Variants in TNFRSF10D observed in about 807,000 individuals in gnomAD.
The protein encoded by TNFRSF10D is TNF receptor superfamily member 10d, also known as tumor necrosis factor receptor superfamily member 10D.
A neutral mutation model predicts 42.1 loss-of-function variants in TNFRSF10D; 28 were observed. The observed-to-expected ratio is 0.66, with a 90% confidence interval of 0.49 to 0.91. The LOEUF (loss-of-function observed/expected upper bound fraction) is 0.91. Among genes scored for constraint, TNFRSF10D ranks in the 40% least tolerant of loss-of-function variants. The pLI, the probability that TNFRSF10D is intolerant of heterozygous loss-of-function variation, is 0.00. For synonymous variants in TNFRSF10D, 186 were observed against 189.4 expected (o/e 0.98, Z 0.15); for missense variants, 503 against 486.1 (o/e 1.03, Z -0.33).
intron 2 of TNFRSF10D, among the ~76,000 whole-genome samples, chr8:23,153,209 T>C (rs1278125658): frequency 6.6e-6 from 1 of 152,202 alleles, no homozygotes; most frequent in Non-Finnish European, 1.5e-5. Context: ...ACATCATATG[T>C]AAAAATCAAC....
intron 3 of TNFRSF10D, 65 bp from the exon 4 acceptor site, chr8:23,147,137 C>G (rs1222891731): frequency 1.5e-6 from 2 of 1,342,026 alleles, no homozygotes; most frequent in Non-Finnish European, 2.1e-6. Context: ...CCTTCCTCAC[C>G]ACCCCATCCC....
chr8:23,163,227 C>T lies in TNFRSF10D; in HGVS notation c.150+559G>A, dbSNP rs937981266. Among the ~76,000 whole-genome samples, 6 of 151,634 alleles carry T rather than the reference C, an allele frequency of 4.0e-5. No homozygotes were observed. In the South Asian group the frequency reaches 1.2e-3, roughly 32 times the overall value. ...TGATTCTCCTTCTGCCTCAGCCTCC[C>T]GAGTAGCTGGGATTACAGGCGACCG... On this transcript the variant is annotated intron_variant, in intron 1 of 8. Coordinates refer to ENST00000312584, the MANE Select transcript of TNFRSF10D (RefSeq NM_003840.5).
intron 7 of TNFRSF10D, among the ~76,000 whole-genome samples, chr8:23,142,777 A>G (rs1483032044): frequency 3.3e-5 from 5 of 152,248 alleles, no homozygotes; most frequent in Non-Finnish European, 5.9e-5. Flanking sequence ...TTTCCTTGGC[A>G]GTGTATTATA....
At chr8:23,163,567 CA>C (rs1563365428) in intron 1 of TNFRSF10D, among the ~76,000 whole-genome samples, 2 of 152,312 alleles carry the variant, frequency 1.3e-5, no homozygotes, top group Middle Eastern at 3.4e-3. Context: ...ACGGGACAGC[CA>C]GGGGGAGCGC....
chr8:23,161,614 G>A (rs1252651529), intron 1 of TNFRSF10D, among the ~76,000 whole-genome samples: 2 of 152,248 alleles, frequency 1.3e-5, no homozygotes, highest in East Asian at 1.9e-4. Flanking sequence ...TGGATCCCCC[G>A]GTCATCTACT....
chr8:23,162,112 C>T (rs1263190743), intron 1 of TNFRSF10D, among the ~76,000 whole-genome samples: 2 of 152,238 alleles, frequency 1.3e-5, no homozygotes, highest in Non-Finnish European at 2.9e-5. Context: ...GAAAATCAAT[C>T]TGAATGTACT....
intron 7 of TNFRSF10D, among the ~76,000 whole-genome samples, chr8:23,138,491 T>C (rs1814382262): frequency 6.6e-6 from 1 of 151,024 alleles, no homozygotes; most frequent in Non-Finnish European, 1.5e-5. Flanking sequence ...TGACCAACTT[T>C]GACTATAGGC....
At chr8:23,153,878 C>A (rs1800239662) in intron 2 of TNFRSF10D, among the ~76,000 whole-genome samples, 2 of 152,136 alleles carry the variant, frequency 1.3e-5, no homozygotes, top group Non-Finnish European at 2.9e-5. Flanking sequence ...GTGTATACAT[C>A]CAAAGGAAAT....
At chr8:23,161,790 T>C (rs1247713584) in intron 1 of TNFRSF10D, among the ~76,000 whole-genome samples, 2 of 152,116 alleles carry the variant, frequency 1.3e-5, no homozygotes, top group African/African-American at 2.4e-5. Flanking sequence ...TAGGTGTGAG[T>C]GTAAGCTGAG....
intron 7 of TNFRSF10D, among the ~76,000 whole-genome samples, chr8:23,141,904 T>C (rs996093187): frequency 1.3e-5 from 2 of 152,212 alleles, no homozygotes; most frequent in Non-Finnish European, 2.9e-5. Flanking sequence ...GGAAAGGAGT[T>C]TGGAGATTTC....
chr8:23,157,886 G>C (rs1800303151), intron 1 of TNFRSF10D, among the ~76,000 whole-genome samples: 1 of 152,198 alleles, frequency 6.6e-6, no homozygotes, highest in Admixed American at 6.5e-5. Context: ...ACCATCAGGT[G>C]GTTGATAACC....
intron 5 of TNFRSF10D, 130 bp downstream of exon 5, chr8:23,145,538 A>G (rs776508862): frequency 1.5e-4 from 211 of 1,406,424 alleles, no homozygotes; most frequent in Non-Finnish European, 2.0e-4. Flanking sequence ...GGCGATCACA[A>G]GAAGGAAGAC....
chr8:23,153,071 G>A (rs1265877181), intron 2 of TNFRSF10D, among the ~76,000 whole-genome samples: 20 of 152,258 alleles, frequency 1.3e-4, no homozygotes, highest in African/African-American at 4.8e-4. Flanking sequence ...ATAAATCAAT[G>A]CATTTACAGT....
At chr8:23,157,539 C>T (rs1451188577) in intron 1 of TNFRSF10D, among the ~76,000 whole-genome samples, 1 of 152,180 alleles carries the variant, frequency 6.6e-6, no homozygotes, top group African/African-American at 2.4e-5. Flanking sequence ...CACTCCTGCT[C>T]TTTAAATGTC....
intron 6 of TNFRSF10D, among the ~76,000 whole-genome samples, chr8:23,144,836 T>TCA (rs879753183): frequency 2.0e-5 from 3 of 151,944 alleles, no homozygotes; most frequent in Non-Finnish European, 2.9e-5. Flanking sequence ...AGTGATGGTG[T>TCA]CACCGAGGCT....
rs1252254295 is a variant in TNFRSF10D, at chr8:23,137,684, G to A, written c.*186C>T. On this transcript the variant is annotated 3_prime_UTR_variant, in exon 9 of 9. Transcript: ENST00000312584. ...AATTTCTCCCGTTTGCTTATCACAC[G>A]CAGTATTTCATAAAAATTACTCCAA... 11 of 633,724 alleles carry A rather than the reference G, an allele frequency of 1.7e-5. No homozygotes were observed. The highest frequency in any genetic ancestry group is 2.9e-5 in the East Asian group (1 of 34,420). The allele number at this position is 633,724 out of a possible 1,614,324, so 39.3% of individuals were successfully genotyped here. A position where few individuals can be genotyped will look rare whatever the true frequency, so the allele number is the denominator to read the frequency against.
At chr8:23,153,372 G>A (rs1474750560) in intron 2 of TNFRSF10D, among the ~76,000 whole-genome samples, 1 of 152,152 alleles carries the variant, frequency 6.6e-6, no homozygotes, top group Admixed American at 6.5e-5. Flanking sequence ...AGACAGATGA[G>A]ATTATATCAG....
intron 1 of TNFRSF10D, among the ~76,000 whole-genome samples, chr8:23,162,700 A>G (rs975305540): frequency 1.3e-5 from 2 of 152,182 alleles, no homozygotes; most frequent in African/African-American, 2.4e-5. Context: ...GGAAGGGGCC[A>G]TCCCGCGGTC....
At chr8:23,139,164 A>G (rs1814399236) in intron 7 of TNFRSF10D, among the ~76,000 whole-genome samples, 1 of 151,534 alleles carries the variant, frequency 6.6e-6, no homozygotes, top group Admixed American at 6.6e-5. Flanking sequence ...TAGCAAACAG[A>G]ATTACAAGGT....
Sources: allele counts gnomAD v4.1 joint callset (sites outside exome capture counted in the v4.1 genomes callset), GRCh38; gene constraint gnomAD v4.1.1; transcripts MANE v1.5; gene names NCBI Gene and HGNC (gene_info 2026-07-23, HGNC 2026-07-21).